Variants in SPI1 observed in about 807,000 individuals in gnomAD.
SPI1 encodes the protein transcription factor PU.1.
A neutral mutation model predicts 30.7 loss-of-function variants in SPI1; 3 were observed. The ratio of observed to expected loss-of-function variants is 0.10; its 90% CI spans 0.04 to 0.25. The LOEUF is 0.25. SPI1 is among the 10% of genes least tolerant of loss of function. The probability of loss-of-function intolerance (pLI) is 1.00; values close to 1 mark genes in which losing one functional copy is unlikely to be tolerated. For missense variants in SPI1, 261 were observed against 371.5 expected (o/e 0.70, Z 2.45); for synonymous variants, 169 against 157.1 (o/e 1.08, Z -0.56).
chr11:47,364,202 A>G (rs886637581), intron 2 of SPI1, among the ~76,000 whole-genome samples: 1 of 151,460 alleles, frequency 6.6e-6, no homozygotes, highest in African/African-American at 2.4e-5. Context: ...GGTGCCTGCC[A>G]CCACGCCCGG....
chr11:47,372,317 CTT>C (rs753966845), intron 2 of SPI1, among the ~76,000 whole-genome samples: 3 of 152,124 alleles, frequency 2.0e-5, no homozygotes, highest in African/African-American at 4.8e-5. Flanking sequence ...GCCTCTATCT[CTT>C]GACCTCGTGA....
chr11:47,356,642 CCTG>C (rs1398133367), intron 4 of SPI1, among the ~76,000 whole-genome samples: 1 of 151,814 alleles, frequency 6.6e-6, no homozygotes, highest in South Asian at 2.1e-4. Context: ...CACAAACACA[CCTG>C]CTTACACATC....
At chr11:47,373,373 C>T (rs1013998479) in intron 2 of SPI1, among the ~76,000 whole-genome samples, 1 of 150,636 alleles carries the variant, frequency 6.6e-6, no homozygotes, top group African/African-American at 2.5e-5. Context: ...ACAGACTGGG[C>T]GCGGTGGTTC....
At chr11:47,357,663 T>G (rs1459215713) in intron 4 of SPI1, among the ~76,000 whole-genome samples, 1 of 152,212 alleles carries the variant, frequency 6.6e-6, no homozygotes, top group African/African-American at 2.4e-5. Flanking sequence ...CCTCCCGGGT[T>G]CAAGCAATTC....
intron 2 of SPI1, among the ~76,000 whole-genome samples, chr11:47,367,882 T>C (rs765081797): frequency 2.7e-5 from 4 of 149,188 alleles, no homozygotes; most frequent in Non-Finnish European, 4.4e-5. Context: ...GTCAGCCTCC[T>C]GAGTAGCTGG....
intron 4 of SPI1, among the ~76,000 whole-genome samples, chr11:47,357,765 C>T (rs1352169728): frequency 2.0e-5 from 3 of 152,188 alleles, no homozygotes; most frequent in Admixed American, 2.0e-4. Flanking sequence ...GGGGTTTCGC[C>T]ATGTTGGCCA....
intron 2 of SPI1, among the ~76,000 whole-genome samples, 194 bp from the exon 3 acceptor site, chr11:47,360,234 T>G (rs2095918724): frequency 1.3e-5 from 2 of 152,154 alleles, no homozygotes. Flanking sequence ...CTACATAGCA[T>G]GCCCAAGGTC....
chr11:47,377,763 C>G (rs573004725), intron 1 of SPI1, among the ~76,000 whole-genome samples: 1 of 152,348 alleles, frequency 6.6e-6, no homozygotes, highest in East Asian at 1.9e-4. Flanking sequence ...CTGTGGGTAC[C>G]CCTGTGGGCC....
At position 47,378,415 on chromosome 11, in the gene SPI1, A is replaced by G; in HGVS notation, c.-62T>C. ...GGTGGGGGCCAATGCAGAGCCCCTC[A>G]GGATGGGGTGCCCCGTCAGGGGCTG... On this transcript the variant is annotated 5_prime_UTR_variant, in exon 1 of 5. Coordinates refer to ENST00000378538, the MANE Select transcript of SPI1 (RefSeq NM_003120.3). The G allele has an allele frequency of 6.4e-7, 1 of 1,562,174 alleles. No individual in the cohort carries two copies. The highest frequency in any genetic ancestry group is 1.2e-5 in the South Asian group (1 of 86,550).
intron 4 of SPI1, among the ~76,000 whole-genome samples, chr11:47,356,724 T>C (rs2095910371): frequency 6.7e-6 from 1 of 149,994 alleles, no homozygotes; most frequent in Admixed American, 6.6e-5. Flanking sequence ...CACACACACA[T>C]GCTTACACCA....
chr11:47,367,204 A>C (rs1023551667), intron 2 of SPI1, among the ~76,000 whole-genome samples: 4 of 152,012 alleles, frequency 2.6e-5, no homozygotes, highest in Admixed American at 6.6e-5. Context: ...TTGGATGGAT[A>C]GATGGATGGA....
intron 4 of SPI1, among the ~76,000 whole-genome samples, chr11:47,357,049 A>G (rs894734058): frequency 6.6e-6 from 1 of 151,474 alleles, no homozygotes; most frequent in African/African-American, 2.4e-5. Flanking sequence ...ACTTATGCTT[A>G]CAAACTCATG....
intron 4 of SPI1, among the ~76,000 whole-genome samples, chr11:47,357,197 CCACACATATCTGCA>C (rs1160930738): frequency 6.7e-6 from 1 of 149,012 alleles, no homozygotes; most frequent in Non-Finnish European, 1.5e-5. Flanking sequence ...ACACACCTGC[CCACACATATCTGCA>C]CACACACATG....
At chr11:47,367,820 C>T (rs1348733286) in intron 2 of SPI1, among the ~76,000 whole-genome samples, 1 of 124,164 alleles carries the variant, frequency 8.1e-6, no homozygotes. Context: ...TGCAGTGGGG[C>T]AATCTCAGCT....
chr11:47,364,770 A>G (rs1393484586), intron 2 of SPI1, among the ~76,000 whole-genome samples: 1 of 152,194 alleles, frequency 6.6e-6, no homozygotes, highest in Admixed American at 6.5e-5. Flanking sequence ...AGCTGGTCTC[A>G]GTCCACCATC....
At chr11:47,362,056 A>G (rs2095921541) in intron 2 of SPI1, among the ~76,000 whole-genome samples, 1 of 152,124 alleles carries the variant, frequency 6.6e-6, no homozygotes. Flanking sequence ...TCTGCCATTT[A>G]CCACTGTGTG....
chr11:47,377,259 C>T (rs932062807), intron 1 of SPI1, among the ~76,000 whole-genome samples: 14 of 152,170 alleles, frequency 9.2e-5, no homozygotes, highest in African/African-American at 3.4e-4. Context: ...GGGTGCCTCC[C>T]AGCCTCCTGG....
At chr11:47,357,885 C>T (rs552783406) in intron 4 of SPI1, among the ~76,000 whole-genome samples, 4 of 152,100 alleles carry the variant, frequency 2.6e-5, no homozygotes, top group Admixed American at 2.0e-4. Context: ...CATTCATGCT[C>T]ACACACTCAT....
chr11:47,356,842 A>G (rs888087696), intron 4 of SPI1, among the ~76,000 whole-genome samples: 11 of 149,746 alleles, frequency 7.3e-5, no homozygotes, highest in African/African-American at 2.5e-4. Context: ...ACTCAGCCCC[A>G]CACGCACACA....
Sources: allele counts gnomAD v4.1 joint callset (sites outside exome capture counted in the v4.1 genomes callset), GRCh38; gene constraint gnomAD v4.1.1; transcripts MANE v1.5; gene names NCBI Gene and HGNC (gene_info 2026-07-23, HGNC 2026-07-21).